The following CSMD1 variants were observed in gnomAD, a reference collection of about 807,000 sequenced individuals.
CSMD1 encodes CUB and Sushi multiple domains 1, also known as CUB and sushi domain-containing protein 1.
A neutral mutation model predicts 417.5 loss-of-function variants in CSMD1; 213 were observed. The ratio of observed to expected loss-of-function variants is 0.51; its 90% CI spans 0.46 to 0.57. The LOEUF (loss-of-function observed/expected upper bound fraction) is 0.57. Among genes scored for constraint, CSMD1 ranks in the 20% least tolerant of loss-of-function variants. The pLI is 0.00. For missense variants in CSMD1, 6,923 were observed against 4,529.7 expected (o/e 1.53, Z -15.17); for synonymous variants, 2,862 against 1,736.8 (o/e 1.65, Z -16.11).
At chr8:3,604,008 G>C (rs1345717284) in intron 8 of CSMD1, among the ~76,000 whole-genome samples, 1 of 152,088 alleles carries the variant, frequency 6.6e-6, no homozygotes, top group Admixed American at 6.5e-5. Context: ...AATATTTATT[G>C]TTGCCTTACA....
intron 3 of CSMD1, among the ~76,000 whole-genome samples, chr8:4,402,520 C>T (rs184424895): frequency 2.6e-5 from 4 of 152,254 alleles, no homozygotes; most frequent in African/African-American, 9.6e-5. Flanking sequence ...ATAGCAGCCC[C>T]AAAATTATGC....
chr8:4,090,950 G>A (rs1800686981), intron 3 of CSMD1, among the ~76,000 whole-genome samples: 1 of 148,818 alleles, frequency 6.7e-6, no homozygotes, highest in South Asian at 2.2e-4. Flanking sequence ...ATGGGGTCTT[G>A]GTCTGTCACC....
chr8:4,408,307 G>T (rs557050548), intron 3 of CSMD1, among the ~76,000 whole-genome samples: 2 of 152,250 alleles, frequency 1.3e-5, no homozygotes, highest in African/African-American at 2.4e-5. Flanking sequence ...TGTCAAAAAC[G>T]TCTTCAAGTA....
intron 46 of CSMD1, among the ~76,000 whole-genome samples, chr8:3,102,438 G>C (rs1815824723): frequency 6.6e-6 from 1 of 152,172 alleles, no homozygotes; most frequent in African/African-American, 2.4e-5. Context: ...TGGGGCTTGG[G>C]AAACTTCAGC....
chr8:3,122,846 A>G (rs950214460), intron 41 of CSMD1, among the ~76,000 whole-genome samples: 3 of 152,168 alleles, frequency 2.0e-5, no homozygotes, highest in Non-Finnish European at 2.9e-5. Context: ...ATGGACTAAT[A>G]TAACAGTCCA....
Position 3,406,107 on chromosome 8 carries a change from T to A in CSMD1, c.2186A>T (p.Lys729Met), listed in dbSNP as rs773778481. 2 of 1,613,922 alleles carry A rather than the reference T, an allele frequency of 1.2e-6. No individual in the cohort carries two copies. Among genetic ancestry groups the A allele is most frequent in the Admixed American group, 1.7e-5 (1 of 60,022 alleles). ...GGTAATGGACTCGGATCCCTGGGTC[T>A]TGACAAAGCCATCATCACAGTGGAA... ...VSFHCDDGFV[K>M]TQGSESITCI... Residue 729 changes from lysine (K) to methionine (M), a missense_variant, in exon 15 of 70, where the codon AAG (lysine) becomes ATG (methionine). Transcript: ENST00000635120.
chr8:3,677,877 C>CT (rs1313589699), intron 7 of CSMD1, among the ~76,000 whole-genome samples: 2 of 152,072 alleles, frequency 1.3e-5, no homozygotes, highest in Admixed American at 6.6e-5. Flanking sequence ...CATTTCAGCC[C>CT]TTTTTTTCCA....
At chr8:3,300,898 G>T (rs1171906191) in intron 25 of CSMD1, among the ~76,000 whole-genome samples, 1 of 138,478 alleles carries the variant, frequency 7.2e-6, no homozygotes, top group Non-Finnish European at 1.5e-5. Context: ...GGCTGAGGTT[G>T]CAGTGAGCCA....
At chr8:3,324,658 C>T (rs922952211) in intron 23 of CSMD1, among the ~76,000 whole-genome samples, 1 of 151,774 alleles carries the variant, frequency 6.6e-6, no homozygotes, top group Non-Finnish European at 1.5e-5. Context: ...CCCAGAGACC[C>T]AGTAGAGTGA....
chr8:4,142,014 C>T (rs1195974155), intron 3 of CSMD1, among the ~76,000 whole-genome samples: 3 of 150,146 alleles, frequency 2.0e-5, no homozygotes, highest in South Asian at 2.1e-4. Context: ...AATGATGTTC[C>T]AAAACTTCTA....
At chr8:4,535,116 T>A (rs1421030623) in intron 2 of CSMD1, among the ~76,000 whole-genome samples, 1 of 152,234 alleles carries the variant, frequency 6.6e-6, no homozygotes, top group East Asian at 1.9e-4. Context: ...AGATACAATA[T>A]TAAAAACATA....
intron 10 of CSMD1, among the ~76,000 whole-genome samples, chr8:3,539,113 G>A (rs1192525826): frequency 2.0e-5 from 3 of 152,132 alleles, no homozygotes; most frequent in African/African-American, 4.8e-5. Flanking sequence ...CCCTGCACCC[G>A]CGGATAGCAG....
chr8:3,873,421 G>A (rs1249691085), intron 5 of CSMD1, among the ~76,000 whole-genome samples: 1 of 152,102 alleles, frequency 6.6e-6, no homozygotes, highest in East Asian at 1.9e-4. Flanking sequence ...GATGGAACTG[G>A]AGGCCATTAT....
intron 1 of CSMD1, among the ~76,000 whole-genome samples, chr8:4,648,697 A>T (rs370820753): frequency 6.6e-6 from 1 of 152,148 alleles, no homozygotes; most frequent in Non-Finnish European, 1.5e-5. Flanking sequence ...TAACATTTAC[A>T]GTTGTGCTTT....
chr8:4,491,173 C>A (rs886401849), intron 2 of CSMD1, among the ~76,000 whole-genome samples: 2 of 151,954 alleles, frequency 1.3e-5, no homozygotes, highest in Admixed American at 1.3e-4. Context: ...ATGTAACAAT[C>A]TGTACATGTA....
At chr8:4,333,099 G>C (rs950288323) in intron 3 of CSMD1, among the ~76,000 whole-genome samples, 1 of 152,116 alleles carries the variant, frequency 6.6e-6, no homozygotes, top group Admixed American at 6.6e-5. Context: ...ATGGAATTGT[G>C]TTTGAAAATT....
intron 3 of CSMD1, among the ~76,000 whole-genome samples, chr8:4,036,635 A>G (rs111605412): frequency 0.012 from 1,769 of 152,320 alleles, 39 homozygotes; most frequent in East Asian, 0.062. Context: ...GATGTCAAAG[A>G]AAAAACTAGA....
intron 6 of CSMD1, among the ~76,000 whole-genome samples, chr8:3,744,885 C>G (rs549735049): frequency 6.6e-6 from 1 of 152,268 alleles, no homozygotes; most frequent in East Asian, 1.9e-4. Context: ...GGATGGTGTT[C>G]AAACATGCTG....
chr8:3,117,893 C>T (rs78685540), intron 42 of CSMD1, among the ~76,000 whole-genome samples: 2,808 of 152,196 alleles, frequency 0.018, 43 homozygotes, highest in Non-Finnish European at 0.026. Flanking sequence ...GTTCCACCTC[C>T]GAGTAGCAAA....
Sources: allele counts gnomAD v4.1 joint callset (sites outside exome capture counted in the v4.1 genomes callset), GRCh38; gene constraint gnomAD v4.1.1; transcripts MANE v1.5; gene names NCBI Gene and HGNC (gene_info 2026-07-23, HGNC 2026-07-21).